Variants in MLXIPL observed in about 807,000 individuals in gnomAD.
The protein encoded by MLXIPL is carbohydrate-responsive element-binding protein.
Under a neutral mutation model 81.5 loss-of-function variants are expected in MLXIPL, and 49 were observed. The ratio of observed to expected loss-of-function variants is 0.60; its 90% CI spans 0.48 to 0.76. The LOEUF (loss-of-function observed/expected upper bound fraction) is 0.76. Among genes scored for constraint, MLXIPL ranks in the 30% least tolerant of loss-of-function variants. The pLI is 0.00. For missense variants in MLXIPL, 1,053 were observed against 1,167.0 expected (o/e 0.90, Z 1.42); for synonymous variants, 466 against 485.5 (o/e 0.96, Z 0.53).
At position 73,624,102 on chromosome 7, in the gene MLXIPL, G is replaced by C. The variant is rs1255344887; in HGVS notation, c.293+98C>G. ...TCCGGGAGCCGCAGGACCGGGCTCGGGTGGGGTGTTGAGGGCCCCAGCGCG... is the reference window on the plus strand; with the variant it reads ...TCCGGGAGCCGCAGGACCGGGCTCGCGTGGGGTGTTGAGGGCCCCAGCGCG... On this transcript the variant is annotated intron_variant, in intron 1 of 16. Transcript: ENST00000313375. 4 of 1,424,748 alleles carry C rather than the reference G, an allele frequency of 2.8e-6. No individual in the cohort carries two copies. In the African/African-American group the frequency reaches 4.4e-5, roughly 16 times the overall value. 88.3% of individuals were successfully genotyped at this position (1,424,748 alleles called of 1,614,324 possible). A position where few individuals can be genotyped will look rare whatever the true frequency, so the allele number is the denominator to read the frequency against.
At position 73,593,752 on chromosome 7, in the gene MLXIPL, G is replaced by T. The variant is rs573305402; in HGVS notation, c.*113C>A. ...GACCCTGCTCCACCCCCCAGGGAAG[G>T]GCAGAGCCAGGGCCTGGGGCAGGAA... On this transcript the variant is annotated 3_prime_UTR_variant, in exon 17 of 17. Coordinates refer to ENST00000313375, the MANE Select transcript of MLXIPL (RefSeq NM_032951.3). 2.4e-5 allele frequency: 23 copies of T among 977,546 alleles called. No individual in the cohort carries two copies. In the South Asian group the frequency reaches 2.7e-4, roughly 12 times the overall value. The allele number at this position is 977,546 out of a possible 1,614,324, so 60.6% of individuals were successfully genotyped here. A position where few individuals can be genotyped will look rare whatever the true frequency, so the allele number is the denominator to read the frequency against.
upstream of MLXIPL, among the ~76,000 whole-genome samples, chr7:73,627,821 C>T (rs567629886): frequency 8.7e-4 from 132 of 152,052 alleles, no homozygotes; most frequent in Non-Finnish European, 1.5e-3. Context: ...TGGCTTGGGA[C>T]CTCCTGGCTC....
chr7:73,594,547 C>G, intron 15 of MLXIPL, 144 bp from the exon 16 acceptor site: 1 of 992,786 alleles, frequency 1.0e-6, no homozygotes, highest in Non-Finnish European at 1.5e-6. Flanking sequence ...GCAGCCCCTA[C>G]TTCTTCTTTT....
Position 73,617,307 on chromosome 7 carries a change from C to T in MLXIPL, c.294-1130G>A, listed in dbSNP as rs72649046. ...GTGCTGGGATTACAGATGTGAGCCA[C>T]CATGCCCAGCCGAGGGTGCCTCTTT... On this transcript the variant is annotated intron_variant, in intron 1 of 16. Coordinates refer to ENST00000313375, the MANE Select transcript of MLXIPL (RefSeq NM_032951.3). Among the ~76,000 whole-genome samples the T allele has an allele frequency of 9.6e-3, 1,464 of 152,164 alleles. 9 individuals carry two copies. The highest frequency in any genetic ancestry group is 0.021 in the South Asian group (100 of 4,810).
the MLXIPL span, among the ~76,000 whole-genome samples, chr7:73,633,534 C>T: frequency 3.9e-5 from 6 of 152,042 alleles, no homozygotes; most frequent in Admixed American, 3.3e-4. Flanking sequence ...GTTGCCCAGG[C>T]TGGTTTTGAC....
chr7:73,594,745 C>T (rs1397366052), intron 15 of MLXIPL, among the ~76,000 whole-genome samples: 4 of 150,438 alleles, frequency 2.7e-5, no homozygotes, highest in Non-Finnish European at 4.4e-5. Context: ...GACGGGGTTT[C>T]GCTATGTTGG....
chr7:73,646,026 C>T, the MLXIPL span, among the ~76,000 whole-genome samples: 36 of 152,324 alleles, frequency 2.4e-4, no homozygotes, highest in African/African-American at 7.7e-4. Context: ...TAAGCCTGCA[C>T]GTCCCCTCTC....
chr7:73,608,661 A>C (rs1795487341), intron 2 of MLXIPL, among the ~76,000 whole-genome samples: 1 of 151,916 alleles, frequency 6.6e-6, no homozygotes, highest in Non-Finnish European at 1.5e-5. Context: ...CCTCTGCCTC[A>C]GAAGGCTAGG....
chr7:73,603,291 TC>T (rs1364099695), intron 7 of MLXIPL, among the ~76,000 whole-genome samples: 1 of 152,084 alleles, frequency 6.6e-6, no homozygotes, highest in African/African-American at 2.4e-5. Flanking sequence ...CCACACTTTT[TC>T]CCCCATGCGC....
Position 73,624,094 on chromosome 7 carries a change from C to T in MLXIPL, c.293+106G>A, listed in dbSNP as rs1363343960. 4 of 1,397,448 alleles carry T rather than the reference C, an allele frequency of 2.9e-6. No individual in the cohort carries two copies. The African/African-American group carries it at 4.5e-5, about 16-fold the overall frequency. The allele number at this position is 1,397,448 out of a possible 1,614,324, so 86.6% of individuals were successfully genotyped here. A position where few individuals can be genotyped will look rare whatever the true frequency, so the allele number is the denominator to read the frequency against. On this transcript the variant is annotated intron_variant, in intron 1 of 16. Transcript: ENST00000313375. Reference sequence around the variant, plus strand: ...TCGGAGCCTCCGGGAGCCGCAGGACCGGGCTCGGGTGGGGTGTTGAGGGCC... The same window carrying T: ...TCGGAGCCTCCGGGAGCCGCAGGACTGGGCTCGGGTGGGGTGTTGAGGGCC...
the MLXIPL span, among the ~76,000 whole-genome samples, chr7:73,633,797 T>A: frequency 7.2e-5 from 11 of 152,190 alleles, no homozygotes; most frequent in East Asian, 1.2e-3. Context: ...CCTGAGCACC[T>A]CAAAGTGAGA....
At position 73,616,046 on chromosome 7, in the gene MLXIPL, T is replaced by C. The variant is rs782204299; in HGVS notation, c.400+25A>G. 4 of 1,587,206 alleles carry C rather than the reference T, an allele frequency of 2.5e-6. No homozygotes were observed. The South Asian group carries it at 4.4e-5, about 18-fold the overall frequency. ...TTGGAGGGGGCAGTCCCTCCCGGCT[T>C]GGGAGGCTGGTGGTAGCCACTCACA... On this transcript the variant is annotated intron_variant, in intron 2 of 16. Coordinates refer to ENST00000313375, the MANE Select transcript of MLXIPL (RefSeq NM_032951.3).
intron 7 of MLXIPL, among the ~76,000 whole-genome samples, chr7:73,603,278 G>A (rs899615250): frequency 2.0e-5 from 3 of 152,138 alleles, no homozygotes; most frequent in Non-Finnish European, 2.9e-5. Context: ...TCCTCTGTGT[G>A]GCCCACACTT....
chr7:73,598,469 C>CA (rs1794528041), intron 8 of MLXIPL, among the ~76,000 whole-genome samples: 1 of 152,114 alleles, frequency 6.6e-6, no homozygotes, highest in Non-Finnish European at 1.5e-5. Context: ...ATCCATCCAC[C>CA]AGCCCACCCA....
chr7:73,618,387 G>A (rs1554601236), intron 1 of MLXIPL, among the ~76,000 whole-genome samples: 1 of 152,180 alleles, frequency 6.6e-6, no homozygotes, highest in Non-Finnish European at 1.5e-5. Context: ...GTGAGCCACC[G>A]CACCTGGCCC....
chr7:73,597,239 T>C lies in MLXIPL; in HGVS notation c.1546A>G (p.Ser516Gly). ...SPPTLAPATA[S>G]PPTTAGSNNP... ...TTGCTCCCCGCAGTGGTGGGGGGACTGGCAGTGGCAGGGGCTAAGGTAGGG... is the reference window on the plus strand; with the variant it reads ...TTGCTCCCCGCAGTGGTGGGGGGACCGGCAGTGGCAGGGGCTAAGGTAGGG... The change falls in exon 9 of 17, where the codon AGT becomes GGT. Residue 516 changes from serine (S) to glycine (G), a missense_variant. Ser to Gly is a moderately conservative substitution (Grantham distance 56). Transcript: ENST00000313375. 1 of 1,596,038 alleles carries C rather than the reference T, an allele frequency of 6.3e-7. No individual in the cohort carries two copies.
Position 73,593,847 on chromosome 7 carries a change from A to G in MLXIPL, c.*18T>C. On this transcript the variant is annotated 3_prime_UTR_variant, in exon 17 of 17. Coordinates refer to ENST00000313375, the MANE Select transcript of MLXIPL (RefSeq NM_032951.3). The stretch of plus-strand genomic sequence containing the variant: ...CAGCCCCCAGGGCAGCTGAGTGAGC[A>G]GCAGGGTCTGGCCAGGACTATAAAG... The G allele has an allele frequency of 6.2e-7, 1 of 1,600,496 alleles. No homozygotes were observed. Among genetic ancestry groups the G allele is most frequent in the Middle Eastern group, 1.7e-4 (1 of 6,016 alleles).
the MLXIPL span, among the ~76,000 whole-genome samples, chr7:73,640,824 G>A: frequency 6.6e-6 from 1 of 151,590 alleles, no homozygotes; most frequent in East Asian, 1.9e-4. Context: ...TGATGGCATG[G>A]GAACCCTCTC....
intron 7 of MLXIPL, among the ~76,000 whole-genome samples, chr7:73,604,133 T>C (rs938887346): frequency 2.8e-5 from 4 of 141,794 alleles, no homozygotes; most frequent in Non-Finnish European, 6.0e-5. Context: ...CAAGAATCGC[T>C]TGAACCTGGG....
Sources: allele counts gnomAD v4.1 joint callset (sites outside exome capture counted in the v4.1 genomes callset), GRCh38; gene constraint gnomAD v4.1.1; transcripts MANE v1.5; gene names NCBI Gene and HGNC (gene_info 2026-07-23, HGNC 2026-07-21).